Variants in SEMA5A observed in about 807,000 individuals in gnomAD.
SEMA5A encodes the protein semaphorin 5A.
A neutral mutation model predicts 135.5 loss-of-function variants in SEMA5A; 55 were observed. That is an observed-to-expected ratio of 0.41 (90% CI 0.33 to 0.51). The LOEUF (loss-of-function observed/expected upper bound fraction) is 0.51. Ranked by LOEUF, SEMA5A falls within the 20% of genes least tolerant of loss-of-function variation. The pLI, the probability that SEMA5A is intolerant of heterozygous loss-of-function variation, is 0.37. For synonymous variants in SEMA5A, 580 were observed against 546.5 expected (o/e 1.06, Z -0.85); for missense variants, 1,290 against 1,419.9 (o/e 0.91, Z 1.47).
chr5:9,464,009 C>A (rs1053619121), intron 1 of SEMA5A, among the ~76,000 whole-genome samples: 2 of 152,142 alleles, frequency 1.3e-5, no homozygotes, highest in African/African-American at 4.8e-5. Flanking sequence ...AACCTCGACA[C>A]TGTTGACATC....
chr5:9,304,033 T>G (rs1462964153), intron 5 of SEMA5A, among the ~76,000 whole-genome samples: 2 of 152,136 alleles, frequency 1.3e-5, no homozygotes, highest in Admixed American at 1.3e-4. Flanking sequence ...CCTGAGAAAT[T>G]ACACACAAGT....
intron 4 of SEMA5A, among the ~76,000 whole-genome samples, chr5:9,334,700 A>G (rs894430284): frequency 1.3e-5 from 2 of 151,798 alleles, no homozygotes; most frequent in South Asian, 4.2e-4. Flanking sequence ...TTTTTCTGTT[A>G]TTATTTATCA....
intron 1 of SEMA5A, among the ~76,000 whole-genome samples, chr5:9,474,172 C>T (rs955687653): frequency 1.3e-5 from 2 of 152,044 alleles, no homozygotes; most frequent in African/African-American, 2.4e-5. Flanking sequence ...GAATTCCGTC[C>T]GTCAGAGCTG....
At chr5:9,114,712 T>C (rs996312955) in intron 15 of SEMA5A, among the ~76,000 whole-genome samples, 1 of 152,194 alleles carries the variant, frequency 6.6e-6, no homozygotes, top group African/African-American at 2.4e-5. Context: ...GAAGAAAGAC[T>C]GAGGAATGGA....
rs199900895 is a variant in SEMA5A at position 9,162,566 on chromosome 5, A to G, written c.1274-7871T>C. Among the ~76,000 whole-genome samples, 42 of 38,928 alleles carry G rather than the reference A, an allele frequency of 1.1e-3. 1 individual carries two copies. The highest frequency in any genetic ancestry group is 2.5e-3 in the South Asian group (4 of 1,594). The allele number at this position is 38,928 out of a possible 152,430, so 25.5% of individuals were successfully genotyped here. A position where few individuals can be genotyped will look rare whatever the true frequency, so the allele number is the denominator to read the frequency against. ...TGTGTATATATGTGTGTGTGTGTGT[A>G]TATATATATATATATATATACACAC... On this transcript the variant is annotated intron_variant, in intron 11 of 22. Coordinates refer to ENST00000382496, the MANE Select transcript of SEMA5A (RefSeq NM_003966.3).
At chr5:9,285,724 T>C (rs16882380) in intron 5 of SEMA5A, among the ~76,000 whole-genome samples, 1,531 of 152,254 alleles carry the variant, frequency 0.01, 23 homozygotes, top group African/African-American at 0.035. Context: ...CTCAGGAGCA[T>C]AGGATGGAGA....
chr5:9,518,002 G>GTAAC (rs1644227438), intron 1 of SEMA5A: 1 of 152,134 alleles, frequency 6.6e-6, no homozygotes, highest in South Asian at 2.1e-4. Flanking sequence ...AGCGTAAGTA[G>GTAAC]TAACTATGGA....
intron 19 of SEMA5A, among the ~76,000 whole-genome samples, 166 bp from the exon 20 acceptor site, chr5:9,052,194 A>T (rs988011484): frequency 6.6e-6 from 1 of 152,254 alleles, no homozygotes; most frequent in African/African-American, 2.4e-5. Flanking sequence ...TAACAGATCC[A>T]GTACATACAG....
rs142136854 is a variant in SEMA5A, at chr5:9,155,303, G to A, written c.1274-608C>T. Among the ~76,000 whole-genome samples the A allele has an allele frequency of 3.5e-3, 540 of 152,186 alleles. 2 individuals carry two copies. Among genetic ancestry groups the A allele is most frequent in the African/African-American group, 0.013 (520 of 41,506 alleles). Reference sequence around the variant, plus strand: ...CAAACTTTCTTTCTTGTGCTTCTGAGTATTAATTTCTGGCCTGATCCAAGC... The same window carrying A: ...CAAACTTTCTTTCTTGTGCTTCTGAATATTAATTTCTGGCCTGATCCAAGC... On this transcript the variant is annotated intron_variant, in intron 11 of 22. Transcript: ENST00000382496.
intron 1 of SEMA5A, among the ~76,000 whole-genome samples, chr5:9,525,470 G>A (rs1737074878): frequency 6.6e-6 from 1 of 152,188 alleles, no homozygotes. Flanking sequence ...GAAGAAAAAA[G>A]GCTCTCAATG....
At chr5:9,238,819 G>T (rs1463985123) in intron 5 of SEMA5A, among the ~76,000 whole-genome samples, 3 of 151,724 alleles carry the variant, frequency 2.0e-5, no homozygotes, top group Non-Finnish European at 4.4e-5. Context: ...ATTAAAATTG[G>T]ATTTCTGAAG....
chr5:9,385,022 G>T (rs946364552), intron 2 of SEMA5A, among the ~76,000 whole-genome samples: 6 of 152,114 alleles, frequency 3.9e-5, no homozygotes, highest in African/African-American at 7.2e-5. Context: ...TATATTACGT[G>T]AGTTAATATG....
At chr5:9,107,693 T>A (rs966990875) in intron 16 of SEMA5A, among the ~76,000 whole-genome samples, 1 of 152,112 alleles carries the variant, frequency 6.6e-6, no homozygotes, top group Non-Finnish European at 1.5e-5. Flanking sequence ...TCTAATTAAA[T>A]TGAAAAACTT....
At chr5:9,059,734 G>C (rs1005418317) in intron 18 of SEMA5A, among the ~76,000 whole-genome samples, 3 of 151,988 alleles carry the variant, frequency 2.0e-5, no homozygotes, top group Non-Finnish European at 4.4e-5. Context: ...CTTTTTAGTA[G>C]GAATAAGTTT....
At chr5:9,471,747 C>A (rs910316804) in intron 1 of SEMA5A, among the ~76,000 whole-genome samples, 2 of 152,164 alleles carry the variant, frequency 1.3e-5, no homozygotes, top group African/African-American at 2.4e-5. Flanking sequence ...TCTGCATGTA[C>A]CCCTTTTAAC....
At chr5:9,458,270 A>G (rs1758923215) in intron 1 of SEMA5A, among the ~76,000 whole-genome samples, 1 of 152,194 alleles carries the variant, frequency 6.6e-6, no homozygotes, top group African/African-American at 2.4e-5. Flanking sequence ...GTGTAAAGGC[A>G]CAAAGAGCTA....
chr5:9,151,515 C>A (rs775039591), intron 12 of SEMA5A, among the ~76,000 whole-genome samples: 1 of 152,234 alleles, frequency 6.6e-6, no homozygotes, highest in African/African-American at 2.4e-5. Context: ...TGTCAAAAAA[C>A]CCCACAATTT....
intron 1 of SEMA5A, among the ~76,000 whole-genome samples, chr5:9,524,247 C>T (rs443626): frequency 6.6e-6 from 1 of 152,218 alleles, no homozygotes; most frequent in African/African-American, 2.4e-5. Flanking sequence ...CCATGCGGAA[C>T]TATGAGTCAA....
intron 2 of SEMA5A, among the ~76,000 whole-genome samples, chr5:9,404,262 T>C (rs1007851940): frequency 1.3e-5 from 2 of 152,060 alleles, no homozygotes; most frequent in African/African-American, 4.8e-5. Flanking sequence ...GAATTACATA[T>C]GATTTCTCTG....
Sources: gnomAD v4.1 joint callset for allele counts (sites outside exome capture counted in the v4.1 genomes callset) on GRCh38, gnomAD v4.1.1 for gene constraint, MANE v1.5 for transcripts, NCBI Gene and HGNC (gene_info 2026-07-23, HGNC 2026-07-21) for gene names.